Variants in CFAP299 observed in about 807,000 individuals in gnomAD.
The protein encoded by CFAP299 is cilia and flagella associated protein 299.
Under a neutral mutation model 27.0 loss-of-function variants are expected in CFAP299, and 21 were observed. That is an observed-to-expected ratio of 0.78 (90% CI 0.55 to 1.12). The LOEUF is 1.12. Among genes scored for constraint, CFAP299 ranks in the 50% most tolerant of loss-of-function variants. The pLI is 0.00. For missense variants in CFAP299, 310 were observed against 276.6 expected (o/e 1.12, Z -0.86); for synonymous variants, 104 against 98.1 (o/e 1.06, Z -0.36).
At chr4:80,384,325 G>A (rs1222860637) in intron 2 of CFAP299, among the ~76,000 whole-genome samples, 1 of 152,056 alleles carries the variant, frequency 6.6e-6, no homozygotes, top group African/African-American at 2.4e-5. Context: ...ACTATGCTGA[G>A]AATTAAAAAC....
intron 4 of CFAP299, among the ~76,000 whole-genome samples, chr4:80,878,294 G>A (rs1733522723): frequency 6.6e-6 from 1 of 152,002 alleles, no homozygotes; most frequent in Non-Finnish European, 1.5e-5. Context: ...TTCTGAACTT[G>A]TCTGATTGTT....
In CFAP299 at chr4:80,772,727, CA is replaced by C. The variant is rs1445850095; in HGVS notation, c.334-97262del. 2.0e-5 allele frequency among the ~76,000 whole-genome samples: 3 copies of C among 151,882 alleles called. No individual in the cohort carries two copies. The East Asian group carries it at 5.8e-4, about 29-fold the overall frequency. The stretch of plus-strand genomic sequence containing the variant: ...TTCCCTCCTCTTGCCCTCCGCCTCC[CA>C]AAAGGCCCCGGAGTGTGTTATTCCC... On this transcript the variant is annotated intron_variant, in intron 3 of 5. Transcript: ENST00000358105.
chr4:80,610,924 T>C (rs1737937038), intron 3 of CFAP299, among the ~76,000 whole-genome samples: 1 of 152,032 alleles, frequency 6.6e-6, no homozygotes, highest in Non-Finnish European at 1.5e-5. Flanking sequence ...TAAGTTTCTT[T>C]AAGTTGTTCT....
chr4:80,633,003 T>C (rs928774258), intron 3 of CFAP299, among the ~76,000 whole-genome samples: 1 of 152,164 alleles, frequency 6.6e-6, no homozygotes, highest in Non-Finnish European at 1.5e-5. Flanking sequence ...AGACACAAAA[T>C]CTCACTAAAA....
At chr4:80,870,306 T>A in intron 4 of CFAP299, 171 bp downstream of exon 4, 1 of 1,255,626 alleles carries the variant, frequency 8.0e-7, no homozygotes, top group Non-Finnish European at 1.0e-6. Flanking sequence ...AGATGCATTG[T>A]TTTTCCTTTA....
the CFAP299 span, among the ~76,000 whole-genome samples, chr4:80,328,682 T>A: frequency 6.6e-6 from 1 of 152,202 alleles, no homozygotes; most frequent in Non-Finnish European, 1.5e-5. Context: ...ATTAGTTTAG[T>A]AAAATCCTGT....
At chr4:80,552,315 C>T (rs1264198816) in intron 2 of CFAP299, among the ~76,000 whole-genome samples, 1 of 152,078 alleles carries the variant, frequency 6.6e-6, no homozygotes, top group East Asian at 1.9e-4. Flanking sequence ...GTAAATAGAT[C>T]ATATTTTTTG....
intron 1 of CFAP299, among the ~76,000 whole-genome samples, chr4:80,362,117 G>GT (rs57450068): frequency 1.2e-4 from 17 of 145,638 alleles, no homozygotes; most frequent in East Asian, 6.0e-4. Flanking sequence ...ATACTGGGAA[G>GT]TTTTTTTTTT....
At chr4:80,358,513 G>A (rs910911836) in intron 1 of CFAP299, among the ~76,000 whole-genome samples, 12 of 151,920 alleles carry the variant, frequency 7.9e-5, no homozygotes, top group Non-Finnish European at 1.3e-4. Context: ...ATCTGGGTGC[G>A]CCTGTCTTGT....
At chr4:80,934,673 T>G (rs1169727677) in intron 4 of CFAP299, among the ~76,000 whole-genome samples, 1 of 152,082 alleles carries the variant, frequency 6.6e-6, no homozygotes, top group East Asian at 1.9e-4. Context: ...TTATCCAATT[T>G]GTTGGTAAGT....
At chr4:80,724,166 G>C (rs895585346) in intron 3 of CFAP299, among the ~76,000 whole-genome samples, 1 of 151,950 alleles carries the variant, frequency 6.6e-6, no homozygotes, top group Non-Finnish European at 1.5e-5. Context: ...ATTGTATTTG[G>C]TAAAACTTTC....
At chr4:80,945,271 G>A (rs1375395005) in intron 5 of CFAP299, among the ~76,000 whole-genome samples, 3 of 152,204 alleles carry the variant, frequency 2.0e-5, no homozygotes, top group Admixed American at 2.0e-4. Context: ...ACTTGTTGCT[G>A]TTAGTGGGGA....
At position 80,590,263 on chromosome 4, in the gene CFAP299, A is replaced by C. The variant is rs150547853; in HGVS notation, c.333+7080A>C. Among the ~76,000 whole-genome samples, 362 of 152,290 alleles carry C rather than the reference A, an allele frequency of 2.4e-3. 3 individuals are homozygous for C. Among genetic ancestry groups the C allele is most frequent in the African/African-American group, 8.1e-3 (336 of 41,560 alleles). ...TTGTGTCTCAGTTTCCTTATCTGTA[A>C]ATTGGATTACTAACTGTATTTAATA... On this transcript the variant is annotated intron_variant, in intron 3 of 5. Coordinates refer to ENST00000358105, the MANE Select transcript of CFAP299 (RefSeq NM_152770.3).
chr4:80,412,472 C>T (rs1357977844), intron 2 of CFAP299, among the ~76,000 whole-genome samples: 1 of 152,062 alleles, frequency 6.6e-6, no homozygotes, highest in Non-Finnish European at 1.5e-5. Context: ...AAATATATTG[C>T]TCAAAGTGGA....
At chr4:80,686,456 C>A (rs993293400) in intron 3 of CFAP299, among the ~76,000 whole-genome samples, 1 of 152,158 alleles carries the variant, frequency 6.6e-6, no homozygotes, top group East Asian at 1.9e-4. Flanking sequence ...ATATGTGTTG[C>A]AAGTGTTACT....
At chr4:80,908,193 A>T (rs1448238145) in intron 4 of CFAP299, among the ~76,000 whole-genome samples, 1 of 152,214 alleles carries the variant, frequency 6.6e-6, no homozygotes, top group Non-Finnish European at 1.5e-5. Context: ...AGTAAGTTAG[A>T]GCGTGTGTAA....
chr4:80,619,561 A>T (rs185444204), intron 3 of CFAP299, among the ~76,000 whole-genome samples: 6 of 152,230 alleles, frequency 3.9e-5, no homozygotes, highest in Admixed American at 3.3e-4. Context: ...CTTACATATT[A>T]TATATCTAGA....
intron 3 of CFAP299, among the ~76,000 whole-genome samples, chr4:80,710,234 C>T (rs1158784312): frequency 6.6e-6 from 1 of 152,026 alleles, no homozygotes; most frequent in East Asian, 1.9e-4. Flanking sequence ...TCTCATTGGC[C>T]AGGATGGCAG....
chr4:80,680,474 A>G (rs1719768377), intron 3 of CFAP299, among the ~76,000 whole-genome samples: 1 of 152,134 alleles, frequency 6.6e-6, no homozygotes, highest in South Asian at 2.1e-4. Context: ...CTTCTCTAAA[A>G]TAGCCCAACG....
Sources: allele counts gnomAD v4.1 joint callset (sites outside exome capture counted in the v4.1 genomes callset), GRCh38; gene constraint gnomAD v4.1.1; transcripts MANE v1.5; gene names NCBI Gene and HGNC (gene_info 2026-07-23, HGNC 2026-07-21).